The following TMEM196 variants were observed in gnomAD, a reference collection of about 807,000 sequenced individuals.
The protein encoded by TMEM196 is transmembrane protein 196.
Under a neutral mutation model 20.0 loss-of-function variants are expected in TMEM196, and 17 were observed. That is an observed-to-expected ratio of 0.85 (90% CI 0.58 to 1.27). The LOEUF (loss-of-function observed/expected upper bound fraction) is 1.27, where lower values mean the gene tolerates loss of function less well. TMEM196 is among the 50% of genes most tolerant of loss of function. The pLI, the probability that TMEM196 is intolerant of heterozygous loss-of-function variation, is 0.00. For synonymous variants in TMEM196, 113 were observed against 88.9 expected (o/e 1.27, Z -1.52); for missense variants, 267 against 223.0 (o/e 1.20, Z -1.26).
chr7:19,727,190 A>G (rs1268580012), intron 2 of TMEM196, among the ~76,000 whole-genome samples: 2 of 152,190 alleles, frequency 1.3e-5, no homozygotes, highest in Non-Finnish European at 2.9e-5. Context: ...ACAATCAATC[A>G]TTCATAATAA....
At chr7:19,746,022 C>A (rs1405192376) in intron 1 of TMEM196, among the ~76,000 whole-genome samples, 1 of 152,020 alleles carries the variant, frequency 6.6e-6, no homozygotes, top group African/African-American at 2.4e-5. Flanking sequence ...ACATTTTGTG[C>A]TGCAGGACAT....
intron 1 of TMEM196, among the ~76,000 whole-genome samples, chr7:19,736,526 G>C (rs1267135922): frequency 6.6e-6 from 1 of 151,458 alleles, no homozygotes; most frequent in East Asian, 1.9e-4. Flanking sequence ...AAAAATTAGA[G>C]TATCCGGGGT....
At chr7:19,725,085 C>T (rs1477058693) in intron 3 of TMEM196, among the ~76,000 whole-genome samples, 3 of 152,046 alleles carry the variant, frequency 2.0e-5, no homozygotes, top group African/African-American at 7.2e-5. Flanking sequence ...ATTAAAAAGC[C>T]CCTTTATACT....
Position 19,772,975 on chromosome 7 carries a change from C to T in TMEM196, c.-279G>A, listed in dbSNP as rs1325478187. The T allele has an allele frequency of 6.8e-6, 2 of 293,606 alleles. No individual in the cohort carries two copies. The highest frequency in any genetic ancestry group is 1.3e-5 in the Non-Finnish European group (2 of 159,960). 18.2% of individuals were successfully genotyped at this position (293,606 alleles called of 1,614,324 possible). ...TGGTGCGAAGATTGCACACCGGTACCGGGGCTTTTAAGCAGCGGAAAACCT... is the reference window on the plus strand; with the variant it reads ...TGGTGCGAAGATTGCACACCGGTACTGGGGCTTTTAAGCAGCGGAAAACCT... On this transcript the variant is annotated 5_prime_UTR_variant, in exon 1 of 5. Transcript: ENST00000405844.
intron 1 of TMEM196, among the ~76,000 whole-genome samples, chr7:19,768,739 T>C (rs1785735814): frequency 6.6e-6 from 1 of 152,214 alleles, no homozygotes; most frequent in South Asian, 2.1e-4. Flanking sequence ...TATAGCTTTC[T>C]TTCTCTATGA....
chr7:19,751,343 C>A (rs1321873342), intron 1 of TMEM196, among the ~76,000 whole-genome samples: 1 of 152,138 alleles, frequency 6.6e-6, no homozygotes, highest in Admixed American at 6.5e-5. Context: ...TAGGTGCTGT[C>A]CACAAAGGTT....
At chr7:19,752,646 G>A (rs547779600) in intron 1 of TMEM196, among the ~76,000 whole-genome samples, 83 of 150,014 alleles carry the variant, frequency 5.5e-4, no homozygotes, top group Non-Finnish European at 8.1e-4. Flanking sequence ...ATGGAATCTC[G>A]CTCTGTCACC....
intron 1 of TMEM196, among the ~76,000 whole-genome samples, chr7:19,763,044 C>A (rs1304539745): frequency 6.6e-6 from 1 of 152,134 alleles, no homozygotes; most frequent in Non-Finnish European, 1.5e-5. Flanking sequence ...CTAGGAATTG[C>A]TTATCTTTTT....
chr7:19,751,026 T>A (rs1419041760), intron 1 of TMEM196, among the ~76,000 whole-genome samples: 1 of 152,166 alleles, frequency 6.6e-6, no homozygotes, highest in Non-Finnish European at 1.5e-5. Flanking sequence ...TGATTCGAAA[T>A]AAAGGATGTC....
chr7:19,725,837 C>CT, intron 2 of TMEM196, 69 bp from the exon 3 acceptor site: 1 of 1,491,380 alleles, frequency 6.7e-7, no homozygotes, highest in Non-Finnish European at 9.0e-7. Context: ...GTTGCCCTGT[C>CT]CGGCTGCATG....
At chr7:19,731,825 G>A (rs1450546573) in intron 1 of TMEM196, among the ~76,000 whole-genome samples, 1 of 152,180 alleles carries the variant, frequency 6.6e-6, no homozygotes, top group African/African-American at 2.4e-5. Flanking sequence ...GAGAGTAGGG[G>A]AGGAATCAAT....
intron 1 of TMEM196, among the ~76,000 whole-genome samples, chr7:19,766,979 T>G (rs937319613): frequency 5.9e-5 from 9 of 152,154 alleles, no homozygotes; most frequent in African/African-American, 2.2e-4. Flanking sequence ...TTTATTCAGA[T>G]GTTTCTATCA....
chr7:19,725,211 T>C (rs1783950986), intron 3 of TMEM196, among the ~76,000 whole-genome samples: 1 of 152,228 alleles, frequency 6.6e-6, no homozygotes, highest in African/African-American at 2.4e-5. Flanking sequence ...GTGTATTTAG[T>C]ATCTGTGTTT....
intron 1 of TMEM196, among the ~76,000 whole-genome samples, chr7:19,737,059 A>G (rs1234548368): frequency 2.0e-5 from 3 of 152,038 alleles, no homozygotes; most frequent in Non-Finnish European, 4.4e-5. Flanking sequence ...CTATACAAAT[A>G]AACACCACTG....
Position 19,772,683 on chromosome 7 carries a change from C to T in TMEM196, c.14G>A (p.Gly5Asp). The change falls in exon 1 of 5, where the codon GGT becomes GAT. Residue 5 changes from glycine (G) to aspartate (D), a missense_variant. Coordinates refer to ENST00000405844, the MANE Select transcript of TMEM196 (RefSeq NM_001363562.2). ...CACCAAGAGGCTCCCAATAATCTGA[C>T]CGCTGGTGCACATCCTTCCTCGGTC... MCTSGQIIGSLLVLS... is the reference protein window; with the variant it reads MCTSDQIIGSLLVLS... 6.6e-7 allele frequency: 1 copy of T among 1,524,056 alleles called. No homozygotes were observed. Among genetic ancestry groups the T allele is most frequent in the Non-Finnish European group, 8.8e-7 (1 of 1,131,834 alleles). 94.4% of individuals were successfully genotyped at this position (1,524,056 alleles called of 1,614,324 possible). A position where few individuals can be genotyped will look rare whatever the true frequency, so the allele number is the denominator to read the frequency against.
intron 1 of TMEM196, among the ~76,000 whole-genome samples, chr7:19,745,809 G>T (rs984284761): frequency 6.7e-6 from 1 of 149,670 alleles, no homozygotes; most frequent in Non-Finnish European, 1.5e-5. Flanking sequence ...CCACTTCCAT[G>T]GTCATCTGCT....
intron 4 of TMEM196, 81 bp downstream of exon 4, chr7:19,724,199 G>T: frequency 1.0e-5 from 13 of 1,246,708 alleles, no homozygotes; most frequent in East Asian, 2.5e-5. Context: ...AGACTGATCT[G>T]TTGACATCAT....
chr7:19,744,545 CAT>C (rs140830335), intron 1 of TMEM196, among the ~76,000 whole-genome samples: 1,945 of 152,156 alleles, frequency 0.013, 47 homozygotes, highest in African/African-American at 0.044. Context: ...GCATAAAAAA[CAT>C]GTGGGTTTTG....
At chr7:19,765,364 T>C (rs1226082481) in intron 1 of TMEM196, among the ~76,000 whole-genome samples, 1 of 152,170 alleles carries the variant, frequency 6.6e-6, no homozygotes, top group Non-Finnish European at 1.5e-5. Context: ...TAATAAATCA[T>C]GGACACCAGT....
Sources: allele counts gnomAD v4.1 joint callset (sites outside exome capture counted in the v4.1 genomes callset), GRCh38; gene constraint gnomAD v4.1.1; transcripts MANE v1.5; gene names NCBI Gene and HGNC (gene_info 2026-07-23, HGNC 2026-07-21).